Variants in STPG2 observed in about 807,000 individuals in gnomAD.
STPG2 encodes sperm-tail PG-rich repeat-containing protein 2.
In STPG2, 56 loss-of-function variants were observed where a neutral mutation model predicts 54.2. The ratio of observed to expected loss-of-function variants is 1.03; its 90% CI spans 0.83 to 1.29. STPG2 has a LOEUF of 1.29. STPG2 is among the 50% of genes most tolerant of loss of function. The pLI is 0.00. For missense variants in STPG2, 596 were observed against 544.9 expected (o/e 1.09, Z -0.93); for synonymous variants, 200 against 181.8 (o/e 1.10, Z -0.81).
chr4:97,977,306 T>C (rs1201483512), intron 6 of STPG2, among the ~76,000 whole-genome samples: 1 of 152,196 alleles, frequency 6.6e-6, no homozygotes, highest in Non-Finnish European at 1.5e-5. Flanking sequence ...CAAATTGCTA[T>C]AACTCATAAA....
intron 9 of STPG2, among the ~76,000 whole-genome samples, chr4:97,781,676 A>C (rs1009037971): frequency 1.3e-5 from 2 of 152,218 alleles, no homozygotes; most frequent in African/African-American, 4.8e-5. Flanking sequence ...CAATGCAAAA[A>C]TCATGAATAA....
chr4:97,678,081 C>G (rs548779213), intron 10 of STPG2, among the ~76,000 whole-genome samples: 2 of 151,096 alleles, frequency 1.3e-5, no homozygotes, highest in Non-Finnish European at 2.9e-5. Flanking sequence ...TATGTGTGAA[C>G]ATATCAGTAA....
At chr4:97,608,910 C>A (rs141633958) in intron 10 of STPG2, among the ~76,000 whole-genome samples, 1 of 151,922 alleles carries the variant, frequency 6.6e-6, no homozygotes, top group South Asian at 2.1e-4. Context: ...TTCTCAGCTC[C>A]CTGAAATGTG....
At chr4:97,600,402 G>A (rs980349593) in intron 10 of STPG2, among the ~76,000 whole-genome samples, 1 of 152,134 alleles carries the variant, frequency 6.6e-6, no homozygotes, top group East Asian at 1.9e-4. Context: ...AAAATACTAT[G>A]TATAAAATAA....
chr4:98,128,991 C>T (rs959028909), intron 2 of STPG2, among the ~76,000 whole-genome samples: 1 of 152,140 alleles, frequency 6.6e-6, no homozygotes, highest in Admixed American at 6.6e-5. Flanking sequence ...GCCTCGGCCT[C>T]CCAAAGTGCT....
intron 4 of STPG2, among the ~76,000 whole-genome samples, chr4:97,516,254 T>G (rs1172453308): frequency 6.6e-6 from 1 of 152,126 alleles, no homozygotes. Context: ...AATTTTCATT[T>G]TATATATTTG....
chr4:97,620,362 T>C (rs529061535), intron 10 of STPG2, among the ~76,000 whole-genome samples: 2 of 152,330 alleles, frequency 1.3e-5, no homozygotes, highest in South Asian at 4.1e-4. Flanking sequence ...TGTAGTGCTT[T>C]AAAAACTTAA....
chr4:97,990,912 C>G (rs1179458171), intron 5 of STPG2, among the ~76,000 whole-genome samples: 1 of 152,088 alleles, frequency 6.6e-6, no homozygotes, highest in Non-Finnish European at 1.5e-5. Context: ...ATGATTATTA[C>G]TACCATTTTT....
chr4:97,683,944 T>C (rs1200050557), intron 10 of STPG2, among the ~76,000 whole-genome samples: 1 of 151,822 alleles, frequency 6.6e-6, no homozygotes, highest in African/African-American at 2.4e-5. Context: ...CAAAAGTCAG[T>C]TGCTTTCCTA....
intron 4 of STPG2, among the ~76,000 whole-genome samples, chr4:97,487,261 G>A (rs577502348): frequency 8.6e-5 from 13 of 151,108 alleles, no homozygotes; most frequent in African/African-American, 1.9e-4. Context: ...TGAACTTCTA[G>A]AAAAGGAAAA....
intron 4 of STPG2, among the ~76,000 whole-genome samples, chr4:97,496,559 C>A (rs914933460): frequency 1.3e-5 from 2 of 151,746 alleles, no homozygotes; most frequent in Non-Finnish European, 1.5e-5. Context: ...AAATAGATTG[C>A]ATAACCTAGA....
At chr4:97,527,334 C>T (rs547055233) in intron 4 of STPG2, among the ~76,000 whole-genome samples, 1 of 152,168 alleles carries the variant, frequency 6.6e-6, no homozygotes, top group East Asian at 1.9e-4. Flanking sequence ...TGAACTCATC[C>T]TTTTCTTATA....
intron 9 of STPG2, among the ~76,000 whole-genome samples, chr4:97,793,372 C>CAG (rs1560530326): frequency 8.4e-6 from 1 of 118,896 alleles, no homozygotes; most frequent in Non-Finnish European, 1.8e-5. Context: ...TTTATATATA[C>CAG]ACACACACAC....
chr4:98,016,371 T>C (rs1241841215), intron 5 of STPG2, among the ~76,000 whole-genome samples: 1 of 152,228 alleles, frequency 6.6e-6, no homozygotes, highest in African/African-American at 2.4e-5. Flanking sequence ...CCCATTCTTT[T>C]TCTATGCTCC....
intron 10 of STPG2, among the ~76,000 whole-genome samples, chr4:97,692,508 T>C (rs991182919): frequency 6.6e-6 from 1 of 152,010 alleles, no homozygotes; most frequent in African/African-American, 2.4e-5. Flanking sequence ...AAAAAATAAT[T>C]TTAAAAAATG....
At chr4:97,967,332 G>T (rs1160430014) in intron 7 of STPG2, among the ~76,000 whole-genome samples, 1 of 152,084 alleles carries the variant, frequency 6.6e-6, no homozygotes, top group Non-Finnish European at 1.5e-5. Flanking sequence ...AAATATATAT[G>T]CACCCAATAC....
rs141784156 is a variant in STPG2, at chr4:97,560,947, G to A, written c.1321-1830C>T. ...TGTCTTTATAGCAGCATGATTTATA[G>A]TCCTTTGGGTATATACCCAGTAATG... On this transcript the variant is annotated intron_variant, in intron 10 of 10. Coordinates refer to ENST00000295268, the MANE Select transcript of STPG2 (RefSeq NM_174952.3). 8.9e-3 allele frequency among the ~76,000 whole-genome samples: 1,351 copies of A among 152,164 alleles called. 14 individuals carry two copies. Among genetic ancestry groups the A allele is most frequent in the South Asian group, 0.026 (126 of 4,818 alleles).
intron 9 of STPG2, among the ~76,000 whole-genome samples, chr4:97,840,292 T>C (rs1189987918): frequency 6.6e-6 from 1 of 151,548 alleles, no homozygotes; most frequent in Non-Finnish European, 1.5e-5. Context: ...ATGAGTTCTG[T>C]TTTTTTCCCT....
chr4:98,003,699 A>C (rs1180614274), intron 5 of STPG2, among the ~76,000 whole-genome samples: 3 of 152,126 alleles, frequency 2.0e-5, no homozygotes, highest in Non-Finnish European at 4.4e-5. Context: ...CAATGTGGTC[A>C]AATGGTTGTA....
Sources: gnomAD v4.1 joint callset for allele counts (sites outside exome capture counted in the v4.1 genomes callset) on GRCh38, gnomAD v4.1.1 for gene constraint, MANE v1.5 for transcripts, NCBI Gene and HGNC (gene_info 2026-07-23, HGNC 2026-07-21) for gene names.